SEC16B: variants seen among roughly 807,000 people sequenced by gnomAD.
SEC16B encodes the protein SEC16 homolog B, endoplasmic reticulum export factor, also known as protein transport protein Sec16B.
In SEC16B, 115 loss-of-function variants were observed where a neutral mutation model predicts 141.8. The ratio of observed to expected loss-of-function variants is 0.81; its 90% confidence interval spans 0.70 to 0.95. The LOEUF is 0.95. Ranked by LOEUF, SEC16B falls within the 40% of genes least tolerant of loss-of-function variation. The pLI is 0.00. For missense variants in SEC16B, 1,291 were observed against 1,312.3 expected (o/e 0.98, Z 0.25); for synonymous variants, 493 against 492.5 (o/e 1.00, Z -0.01).
In SEC16B at chr1:177,960,333, G is replaced by C; in HGVS notation, c.998+9C>G. On this transcript the variant is annotated intron_variant, in intron 8 of 25. Transcript: ENST00000308284. ...AAGCCCTTACTCAGCAGCTCTTACA[G>C]CACTATACCTAATCAAGGGTCCTGA... 1 of 1,578,128 alleles carries C rather than the reference G, an allele frequency of 6.3e-7. No homozygotes were observed. Among genetic ancestry groups the C allele is most frequent in the South Asian group, 1.1e-5 (1 of 88,784 alleles).
At chr1:177,952,368 C>T (rs932974345) in intron 11 of SEC16B, among the ~76,000 whole-genome samples, 41 of 152,312 alleles carry the variant, frequency 2.7e-4, no homozygotes, top group African/African-American at 9.6e-4. Flanking sequence ...TCGGCACCCC[C>T]CTTCTCAGCC....
At chr1:177,940,561 G>A in intron 17 of SEC16B, 49 bp downstream of exon 17, 1 of 1,344,858 alleles carries the variant, frequency 7.4e-7, no homozygotes, top group Non-Finnish European at 1.1e-6. Context: ...GGTGGGAAGA[G>A]GGAAACAAAG....
Position 177,940,400 on chromosome 1 carries a change from C to T in SEC16B, c.2127+210G>A, listed in dbSNP as rs144357018. Among the ~76,000 whole-genome samples the T allele has an allele frequency of 2.7e-3, 415 of 152,286 alleles. 3 individuals carry two copies. Among genetic ancestry groups the T allele is most frequent in the Non-Finnish European group, 4.5e-3 (304 of 68,032 alleles). ...TGTCACATGCGAACATAGGAAAACG[C>T]TTCCACACAGGGGACAAGCAGTGGC... On this transcript the variant is annotated intron_variant, in intron 17 of 25. Transcript: ENST00000308284.
At chr1:177,948,820 C>T (rs1469223802) in intron 12 of SEC16B, among the ~76,000 whole-genome samples, 1 of 152,104 alleles carries the variant, frequency 6.6e-6, no homozygotes, top group Non-Finnish European at 1.5e-5. Context: ...TAATTTCTAC[C>T]TAACAGGTTA....
chr1:177,953,977 C>T (rs1571332292), intron 11 of SEC16B, among the ~76,000 whole-genome samples: 1 of 152,158 alleles, frequency 6.6e-6, no homozygotes, highest in African/African-American at 2.4e-5. Flanking sequence ...ATTACCAGAA[C>T]TAGCTGGAAC....
chr1:177,934,228 C>G (rs1244132497), intron 20 of SEC16B, among the ~76,000 whole-genome samples: 2 of 152,068 alleles, frequency 1.3e-5, no homozygotes, highest in Non-Finnish European at 2.9e-5. Flanking sequence ...AGTATACACA[C>G]AGTGTCGTAC....
At chr1:177,934,596 G>A (rs1650699857) in intron 20 of SEC16B, among the ~76,000 whole-genome samples, 1 of 152,112 alleles carries the variant, frequency 6.6e-6, no homozygotes, top group Non-Finnish European at 1.5e-5. Context: ...TGTGAGCTAG[G>A]TGCTATTATT....
At position 177,946,410 on chromosome 1, in the gene SEC16B, G is replaced by A. The variant is rs1477937766; in HGVS notation, c.1775+10C>T. 4 of 1,543,770 alleles carry A rather than the reference G, an allele frequency of 2.6e-6. No homozygotes were observed. Among genetic ancestry groups the A allele is most frequent in the Non-Finnish European group, 3.5e-6 (4 of 1,137,620 alleles). On this transcript the variant is annotated intron_variant, in intron 14 of 25. Coordinates refer to ENST00000308284, the MANE Select transcript of SEC16B (RefSeq NM_033127.4). The stretch of plus-strand genomic sequence containing the variant: ...TGTCCTTACTGTTTCCTTTCTCCCA[G>A]GTCGCATACCTGTGGCTGCTGCCCA...
At chr1:177,961,837 T>A (rs1653090511) in intron 5 of SEC16B, 103 bp from the exon 6 acceptor site, 6 of 1,080,350 alleles carry the variant, frequency 5.6e-6, no homozygotes, top group Non-Finnish European at 8.1e-6. Flanking sequence ...AGTGGATGTG[T>A]TGAAAGGATA....
At chr1:177,975,960 A>C (rs531093606) in intron 1 of SEC16B, among the ~76,000 whole-genome samples, 1 of 152,288 alleles carries the variant, frequency 6.6e-6, no homozygotes, top group African/African-American at 2.4e-5. Context: ...GGAGTGTGCC[A>C]AGAAAAGATG....
chr1:177,932,626 C>T (rs1285421134), intron 23 of SEC16B, 57 bp from the exon 24 acceptor site: 4 of 1,501,124 alleles, frequency 2.7e-6, no homozygotes, highest in African/African-American at 1.4e-5. Flanking sequence ...GTCCCCACTC[C>T]CAGAAGGCAC....
At chr1:177,943,594 G>A (rs2101925833) in intron 15 of SEC16B, among the ~76,000 whole-genome samples, 1 of 152,300 alleles carries the variant, frequency 6.6e-6, no homozygotes, top group South Asian at 2.1e-4. Context: ...GCTGGAAAAT[G>A]TCTCTACCTA....
At chr1:177,934,218 A>G (rs553106023) in intron 20 of SEC16B, among the ~76,000 whole-genome samples, 3 of 152,154 alleles carry the variant, frequency 2.0e-5, no homozygotes, top group Non-Finnish European at 4.4e-5. Flanking sequence ...AGTGGCAGTA[A>G]GTATACACAC....
chr1:177,932,672 G>A, intron 23 of SEC16B, 26 bp downstream of exon 23: 2 of 1,546,382 alleles, frequency 1.3e-6, no homozygotes, highest in Non-Finnish European at 1.7e-6. Context: ...ACCACCCATG[G>A]CCCAGAGGAC....
chr1:177,956,082 C>T (rs1652577494), intron 10 of SEC16B, among the ~76,000 whole-genome samples: 1 of 152,180 alleles, frequency 6.6e-6, no homozygotes, highest in Non-Finnish European at 1.5e-5. Context: ...TTGGTACTGG[C>T]CATAGCCTCA....
At position 177,964,402 on chromosome 1, in the gene SEC16B, T is replaced by C. The variant is rs140687071; in HGVS notation, c.534-123A>G. 886 of 599,166 alleles carry C rather than the reference T, an allele frequency of 1.5e-3. 6 individuals are homozygous for C. The highest frequency in any genetic ancestry group is 0.013 in the African/African-American group (705 of 52,548). The allele number at this position is 599,166 out of a possible 1,614,324, so 37.1% of individuals were successfully genotyped here. On this transcript the variant is annotated intron_variant, in intron 4 of 25. Transcript: ENST00000308284. ...AGGTACCATGTCAGCCTGGGTGCCA[T>C]AGGAGAAAGCATTTTCCTCCTACTC... is the stretch of plus-strand genomic sequence containing the variant.
intron 15 of SEC16B, among the ~76,000 whole-genome samples, chr1:177,943,324 A>T (rs1215199929): frequency 1.3e-5 from 2 of 152,238 alleles, no homozygotes; most frequent in East Asian, 3.8e-4. Flanking sequence ...TAATGCATGC[A>T]GGGCTTAAAA....
At chr1:177,972,746 T>TC (rs888182078), upstream of SEC16B, among the ~76,000 whole-genome samples, 2 of 152,210 alleles carry the variant, frequency 1.3e-5, no homozygotes, top group African/African-American at 4.8e-5. Flanking sequence ...GTCTGTTTCC[T>TC]CCCAAAATTC....
upstream of SEC16B, among the ~76,000 whole-genome samples, chr1:177,974,133 T>C (rs199616666): frequency 6.7e-6 from 1 of 149,800 alleles, no homozygotes; most frequent in African/African-American, 2.5e-5. Context: ...CTTTTTTTTT[T>C]ATTTTGGCTA....
Sources: gnomAD v4.1 joint callset for allele counts (sites outside exome capture counted in the v4.1 genomes callset) on GRCh38, gnomAD v4.1.1 for gene constraint, MANE v1.5 for transcripts, NCBI Gene and HGNC (gene_info 2026-07-23, HGNC 2026-07-21) for gene names.